EXOC4: variants seen among roughly 807,000 people sequenced by gnomAD.
The protein encoded by EXOC4 is exocyst complex component 4.
EXOC4 carries 71 observed loss-of-function variants against 107.2 expected under a neutral mutation model. The ratio of observed to expected loss-of-function variants is 0.66; its 90% CI spans 0.55 to 0.81. The LOEUF (loss-of-function observed/expected upper bound fraction) is 0.81. Ranked by LOEUF, EXOC4 falls within the 30% of genes least tolerant of loss-of-function variation. EXOC4 has a pLI of 0.00. For synonymous variants in EXOC4, 456 were observed against 441.2 expected, an observed-to-expected ratio of 1.03 and a Z score of -0.42; for missense variants, 1,108 against 1,189.6, an observed-to-expected ratio of 0.93 and a Z score of 1.01.
intron 9 of EXOC4, among the ~76,000 whole-genome samples, chr7:133,500,015 C>T (rs1306638983): frequency 6.6e-6 from 1 of 151,592 alleles, no homozygotes; most frequent in Admixed American, 6.6e-5. Context: ...AAAAACATGG[C>T]TCATGGAGGT....
chr7:133,449,721 T>TTGTGTGTG (rs58843853), intron 7 of EXOC4, among the ~76,000 whole-genome samples: 17,431 of 147,770 alleles, frequency 0.12, 1,105 homozygotes, highest in African/African-American at 0.15. Flanking sequence ...GAAAATACAT[T>TTGTGTGTG]TGTGTGTGTG....
At chr7:133,553,966 T>C (rs1263262180) in intron 9 of EXOC4, among the ~76,000 whole-genome samples, 1 of 152,130 alleles carries the variant, frequency 6.6e-6, no homozygotes, top group Non-Finnish European at 1.5e-5. Context: ...ATATAGATAA[T>C]AAATTTTTAA....
intron 9 of EXOC4, among the ~76,000 whole-genome samples, chr7:133,509,653 A>G (rs1479557084): frequency 2.6e-5 from 4 of 152,186 alleles, no homozygotes; most frequent in African/African-American, 9.6e-5. Context: ...CCACAGACGA[A>G]CATTTCCAGC....
chr7:133,960,676 G>T (rs1193653464), intron 14 of EXOC4, among the ~76,000 whole-genome samples: 1 of 152,134 alleles, frequency 6.6e-6, no homozygotes, highest in African/African-American at 2.4e-5. Flanking sequence ...AAACCCACTT[G>T]ATCATGGCGG....
chr7:133,843,658 T>A (rs1474419347), intron 11 of EXOC4, among the ~76,000 whole-genome samples: 1 of 152,210 alleles, frequency 6.6e-6, no homozygotes, highest in Non-Finnish European at 1.5e-5. Flanking sequence ...GCCTTTTCTT[T>A]TTTTTTGTCT....
intron 10 of EXOC4, among the ~76,000 whole-genome samples, chr7:133,800,619 CTTTT>C (rs1340237735): frequency 6.6e-6 from 1 of 152,066 alleles, no homozygotes; most frequent in African/African-American, 2.4e-5. Flanking sequence ...GATTTTCTTT[CTTTT>C]GTTTCAAAAG....
At chr7:133,297,360 G>C (rs1202263603) in intron 3 of EXOC4, among the ~76,000 whole-genome samples, 1 of 152,172 alleles carries the variant, frequency 6.6e-6, no homozygotes, top group African/African-American at 2.4e-5. Flanking sequence ...CATCTTTGCT[G>C]TGGGTCCTGA....
chr7:133,714,697 A>G (rs547468475), intron 10 of EXOC4, among the ~76,000 whole-genome samples: 1 of 152,160 alleles, frequency 6.6e-6, no homozygotes, highest in Non-Finnish European at 1.5e-5. Flanking sequence ...CCTAGCGATG[A>G]TTTAAAGTAT....
At chr7:133,910,104 T>A (rs1799657711) in intron 12 of EXOC4, among the ~76,000 whole-genome samples, 2 of 152,070 alleles carry the variant, frequency 1.3e-5, no homozygotes, top group Non-Finnish European at 1.5e-5. Context: ...GTATTTTTAG[T>A]AGAGACAGGG....
intron 6 of EXOC4, among the ~76,000 whole-genome samples, chr7:133,364,295 T>G (rs1446802830): frequency 6.6e-6 from 1 of 151,628 alleles, no homozygotes; most frequent in Non-Finnish European, 1.5e-5. Context: ...GATGCCTAGC[T>G]ATTTAAAGTA....
chr7:133,987,024 A>T (rs1177950955), intron 14 of EXOC4, among the ~76,000 whole-genome samples: 3 of 151,390 alleles, frequency 2.0e-5, no homozygotes, highest in Admixed American at 6.6e-5. Context: ...TCCTATTTTT[A>T]TTTTTTTTTA....
At chr7:134,077,555 T>C in the EXOC4 span, among the ~76,000 whole-genome samples, 1 of 152,198 alleles carries the variant, frequency 6.6e-6, no homozygotes, top group Non-Finnish European at 1.5e-5. Flanking sequence ...GAATCTTTAT[T>C]GAGTGCGCTC....
Position 133,888,674 on chromosome 7 carries a change from G to A in EXOC4, c.1735-6925G>A, listed in dbSNP as rs74955916. Among the ~76,000 whole-genome samples the A allele has an allele frequency of 4.8e-3, 734 of 152,238 alleles. 3 individuals carry two copies. Among genetic ancestry groups the A allele is most frequent in the Middle Eastern group, 0.017 (5 of 294 alleles). On this transcript the variant is annotated intron_variant, in intron 11 of 17. Transcript: ENST00000253861. ...ATTCAGTTTTAAAATATGTCTGAGTGTGTTTGGACCCTGCGCCTACAGTGG... is the reference window on the plus strand; with the variant it reads ...ATTCAGTTTTAAAATATGTCTGAGTATGTTTGGACCCTGCGCCTACAGTGG...
At chr7:133,955,942 C>T (rs988987027) in intron 14 of EXOC4, among the ~76,000 whole-genome samples, 5 of 152,304 alleles carry the variant, frequency 3.3e-5, no homozygotes, top group Non-Finnish European at 4.4e-5. Context: ...CCTTCAGGGG[C>T]AGTTGGGGGG....
chr7:134,025,214 T>C (rs1795113781), intron 17 of EXOC4, among the ~76,000 whole-genome samples: 1 of 152,218 alleles, frequency 6.6e-6, no homozygotes, highest in African/African-American at 2.4e-5. Context: ...ACAGTGAAGT[T>C]TGGAGTCTTA....
At chr7:133,712,762 A>G (rs1282080835) in intron 10 of EXOC4, among the ~76,000 whole-genome samples, 1 of 152,222 alleles carries the variant, frequency 6.6e-6, no homozygotes, top group Non-Finnish European at 1.5e-5. Flanking sequence ...ATAGTGGAGT[A>G]TTATTCAGTG....
chr7:133,673,206 CTCT>C lies in EXOC4; in HGVS notation c.1514+43070_1514+43072del, dbSNP rs1163444279. Among the ~76,000 whole-genome samples the C allele has an allele frequency of 7.9e-5, 12 of 152,278 alleles. No individual in the cohort carries two copies. The South Asian group carries it at 1.7e-3, about 21-fold the overall frequency. ...GACTTTCTCTTTCTCCCTTACTTTG[CTCT>C]TCTTTGGTTCCTTAAAGGAGTACTT... is the stretch of plus-strand genomic sequence containing the variant. On this transcript the variant is annotated intron_variant, in intron 10 of 17. Transcript: ENST00000253861.
intron 7 of EXOC4, among the ~76,000 whole-genome samples, chr7:133,453,175 T>C (rs1412299135): frequency 6.6e-6 from 1 of 152,204 alleles, no homozygotes; most frequent in Non-Finnish European, 1.5e-5. Flanking sequence ...GTTATATAAA[T>C]CATTTTATGT....
intron 17 of EXOC4, among the ~76,000 whole-genome samples, chr7:134,057,049 G>A (rs1359285395): frequency 3.3e-5 from 5 of 152,136 alleles, no homozygotes; most frequent in Middle Eastern, 3.2e-3. Flanking sequence ...CCCCACCCCC[G>A]CAGTACTGCT....
Sources: gnomAD v4.1 joint callset for allele counts (sites outside exome capture counted in the v4.1 genomes callset) on GRCh38, gnomAD v4.1.1 for gene constraint, MANE v1.5 for transcripts, NCBI Gene and HGNC (gene_info 2026-07-23, HGNC 2026-07-21) for gene names.